Variants in GNG7 observed in about 807,000 individuals in gnomAD.
GNG7 encodes G protein subunit gamma 7, also known as guanine nucleotide-binding protein G(I)/G(S)/G(O) subunit gamma-7.
Under a neutral mutation model 4.0 loss-of-function variants are expected in GNG7, and 1 was observed. That is an observed-to-expected ratio of 0.25 (90% CI 0.09 to 1.18). GNG7 has a LOEUF of 1.18. GNG7 is among the 50% of genes most tolerant of loss of function. The pLI is 0.50. For synonymous variants in GNG7, 34 were observed against 36.9 expected (o/e 0.92, Z 0.29); for missense variants, 86 against 91.9 (o/e 0.94, Z 0.26).
At chr19:2,664,405 G>A (rs889598358) in intron 1 of GNG7, among the ~76,000 whole-genome samples, 6 of 152,202 alleles carry the variant, frequency 3.9e-5, no homozygotes, top group African/African-American at 1.2e-4. Context: ...GGGAGGTGCC[G>A]GGACTGGGGG....
chr19:2,549,666 C>G (rs1366055592), intron 3 of GNG7, among the ~76,000 whole-genome samples: 1 of 152,122 alleles, frequency 6.6e-6, no homozygotes, highest in Non-Finnish European at 1.5e-5. Context: ...GTCTCTCCCC[C>G]AGAACCTTCT....
intron 3 of GNG7, among the ~76,000 whole-genome samples, chr19:2,526,078 C>G (rs1278221932): frequency 6.6e-6 from 1 of 151,366 alleles, no homozygotes; most frequent in Non-Finnish European, 1.5e-5. Context: ...TCACGCCATT[C>G]TCCTGCTTCA....
intron 3 of GNG7, among the ~76,000 whole-genome samples, chr19:2,523,867 G>A (rs1203836559): frequency 1.3e-5 from 2 of 152,146 alleles, no homozygotes; most frequent in African/African-American, 4.8e-5. Flanking sequence ...CAGCCTCCTT[G>A]GTTTCCAGCA....
At chr19:2,553,799 CAT>C (rs1473186377) in intron 3 of GNG7, among the ~76,000 whole-genome samples, 1 of 122,216 alleles carries the variant, frequency 8.2e-6, no homozygotes, top group African/African-American at 3.7e-5. Flanking sequence ...ATGTACGTAT[CAT>C]GTGTAATATA....
intron 3 of GNG7, among the ~76,000 whole-genome samples, chr19:2,526,221 C>T (rs537997102): frequency 4.0e-5 from 6 of 151,820 alleles, no homozygotes; most frequent in South Asian, 2.1e-4. Flanking sequence ...CCGCCTGCCT[C>T]GGCCTCCCAG....
intron 3 of GNG7, among the ~76,000 whole-genome samples, chr19:2,539,601 G>A (rs1223044322): frequency 2.0e-5 from 3 of 152,002 alleles, no homozygotes; most frequent in African/African-American, 7.2e-5. Flanking sequence ...CACTGCGCCC[G>A]GCCATAAGCT....
At chr19:2,697,049 C>T (rs764484446) in intron 1 of GNG7, among the ~76,000 whole-genome samples, 22 of 152,266 alleles carry the variant, frequency 1.4e-4, no homozygotes, top group Non-Finnish European at 2.6e-4. Flanking sequence ...CCATGTTGGC[C>T]AGACTGGTCT....
At chr19:2,645,771 C>G (rs1599439419) in intron 2 of GNG7, among the ~76,000 whole-genome samples, 1 of 152,066 alleles carries the variant, frequency 6.6e-6, no homozygotes, top group South Asian at 2.1e-4. Flanking sequence ...TTTCCTCTTC[C>G]TACATTTTAA....
intron 1 of GNG7, among the ~76,000 whole-genome samples, chr19:2,668,830 G>A (rs1261704193): frequency 3.9e-5 from 6 of 152,110 alleles, no homozygotes; most frequent in African/African-American, 4.8e-5. Context: ...CTGTGGTAGG[G>A]GGCTGTGCTG....
Position 2,626,410 on chromosome 19 carries a change from G to A in GNG7, c.-78+19814C>T, listed in dbSNP as rs1982023459. On this transcript the variant is annotated intron_variant, in intron 2 of 4. Coordinates refer to ENST00000382159, the MANE Select transcript of GNG7 (RefSeq NM_052847.3). The surrounding 1 kb of genome is among the most constrained non-coding windows in gnomAD (Gnocchi z 5.0). ...CCCAAACCAATTGATTGTTGTCATG[G>A]GTGGAGCCGGAACCCGCTATGGCTC... Among the ~76,000 whole-genome samples the A allele has an allele frequency of 6.6e-6, 1 of 152,126 alleles. No individual in the cohort carries two copies. Among genetic ancestry groups the A allele is most frequent in the South Asian group, 2.1e-4 (1 of 4,824 alleles).
chr19:2,667,336 C>A (rs1406613267), intron 1 of GNG7, among the ~76,000 whole-genome samples: 1 of 151,978 alleles, frequency 6.6e-6, no homozygotes, highest in Non-Finnish European at 1.5e-5. Context: ...AACAAACAAA[C>A]AAACAACAAA....
At position 2,611,307 on chromosome 19, in the gene GNG7, T is replaced by C. The variant is rs1981556861; in HGVS notation, c.-78+34917A>G. ...CCTGGCGAGCGTCTAGACTGCGGTG[T>C]TTCTGGGACGCTGGGAGCTGGAGCC... is the stretch of plus-strand genomic sequence containing the variant. On this transcript the variant is annotated intron_variant, in intron 2 of 4. Coordinates refer to ENST00000382159, the MANE Select transcript of GNG7 (RefSeq NM_052847.3). This position sits in a 1 kb window ranked among gnomAD's most constrained non-coding sequence, Gnocchi z 6.0. 6.6e-6 allele frequency: 1 copy of C among 152,204 alleles called. No homozygotes were observed. The allele number at this position is 152,204 out of a possible 1,614,324, so 9.4% of individuals were successfully genotyped here.
In GNG7 at chr19:2,512,989, C is replaced by T. The variant is rs1972676974; in HGVS notation, c.*2033G>A. ...AGCCTCTGGGGCTCTCCCGGGCCAA[C>T]AGCAGGTTTGGCGGGTAGGGCTCCC... is the stretch of plus-strand genomic sequence containing the variant. On this transcript the variant is annotated 3_prime_UTR_variant, in exon 5 of 5. Coordinates refer to ENST00000382159, the MANE Select transcript of GNG7 (RefSeq NM_052847.3). This position sits in a 1 kb window ranked among gnomAD's most constrained non-coding sequence, Gnocchi z 4.7. 3 of 985,502 alleles carry T rather than the reference C, an allele frequency of 3.0e-6. No homozygotes were observed. Among genetic ancestry groups the T allele is most frequent in the Non-Finnish European group, 3.6e-6 (3 of 829,958 alleles). The allele number at this position is 985,502 out of a possible 1,614,324, so 61.0% of individuals were successfully genotyped here. A position where few individuals can be genotyped will look rare whatever the true frequency, so the allele number is the denominator to read the frequency against.
intron 2 of GNG7, among the ~76,000 whole-genome samples, chr19:2,602,875 CTCTT>C (rs977621975): frequency 5.1e-4 from 77 of 151,218 alleles, no homozygotes; most frequent in African/African-American, 1.7e-3. Flanking sequence ...ACCCTTTTCT[CTCTT>C]TCTCTTTCTT....
intron 2 of GNG7, among the ~76,000 whole-genome samples, chr19:2,616,547 C>A (rs62123730): frequency 6.6e-6 from 1 of 152,026 alleles, no homozygotes; most frequent in Non-Finnish European, 1.5e-5. Context: ...GAGGCCAAAG[C>A]GAGCGGATCA....
intron 3 of GNG7, among the ~76,000 whole-genome samples, chr19:2,554,739 G>T (rs192392992): frequency 6.6e-6 from 1 of 151,856 alleles, no homozygotes; most frequent in African/African-American, 2.4e-5. Flanking sequence ...ACTTTTGGTA[G>T]AGACGGGGTT....
At chr19:2,548,436 G>A (rs1237945400) in intron 3 of GNG7, among the ~76,000 whole-genome samples, 3 of 143,210 alleles carry the variant, frequency 2.1e-5, no homozygotes, top group East Asian at 2.1e-4. Context: ...GGTTGAGATC[G>A]CGCCATTGCA....
chr19:2,535,334 A>G (rs1004164380), intron 3 of GNG7, among the ~76,000 whole-genome samples: 3 of 151,266 alleles, frequency 2.0e-5, no homozygotes, highest in African/African-American at 7.3e-5. Flanking sequence ...ACAAAAAAAA[A>G]AAAAAAATAC....
chr19:2,643,609 G>A (rs1982579993), intron 2 of GNG7: 2 of 446,846 alleles, frequency 4.5e-6, no homozygotes, highest in South Asian at 3.2e-5. Flanking sequence ...CGTCGGCACC[G>A]GAAATGCAAA....
Sources: gnomAD v4.1 joint callset for allele counts (sites outside exome capture counted in the v4.1 genomes callset) on GRCh38, gnomAD v4.1.1 for gene constraint, Gnocchi (gnomAD v3.1) non-coding constraint, MANE v1.5 for transcripts, NCBI Gene and HGNC (gene_info 2026-07-23, HGNC 2026-07-21) for gene names.